SLC22A2: variants seen among roughly 807,000 people sequenced by gnomAD.
SLC22A2 encodes organic cation transporter 2.
SLC22A2 carries 46 observed loss-of-function variants against 60.5 expected under a neutral mutation model. The observed-to-expected ratio is 0.76, with a 90% CI of 0.60 to 0.97. SLC22A2 has a LOEUF of 0.97. Ranked by LOEUF, SLC22A2 falls within the 50% of genes least tolerant of loss-of-function variation. The pLI is 0.00. For missense variants in SLC22A2, 701 were observed against 706.6 expected (o/e 0.99, Z 0.09); for synonymous variants, 303 against 267.0 (o/e 1.13, Z -1.31).
chr6:160,258,075 A>G lies in SLC22A2; in HGVS notation c.414+269T>C, dbSNP rs929585358. 1.9e-5 allele frequency: 8 copies of G among 428,212 alleles called. No individual in the cohort carries two copies. The Admixed American group carries it at 3.3e-4, about 17-fold the overall frequency. The allele number at this position is 428,212 out of a possible 1,614,324, so 26.5% of individuals were successfully genotyped here. On this transcript the variant is annotated intron_variant, in intron 1 of 10. Coordinates refer to ENST00000366953, the MANE Select transcript of SLC22A2 (RefSeq NM_003058.4). ...TCTTGGCAACATTTCCAGGAGTCCT[A>G]ATATGCTTTGGCCTGTTCCTTATTG... is the stretch of plus-strand genomic sequence containing the variant.
At chr6:160,224,828 C>G in intron 9 of SLC22A2, 24 bp from the exon 10 acceptor site, 1 of 1,396,594 alleles carries the variant, frequency 7.2e-7, no homozygotes, top group Non-Finnish European at 9.9e-7. Flanking sequence ...AGATGAATAT[C>G]ACATTAAGAA....
intron 5 of SLC22A2, among the ~76,000 whole-genome samples, chr6:160,246,203 G>A (rs1303759727): frequency 2.0e-5 from 3 of 151,700 alleles, no homozygotes; most frequent in East Asian, 2.0e-4. Flanking sequence ...GTTTTGCCAC[G>A]TTGGCCAGGC....
chr6:160,251,320 C>T (rs1783182319), intron 2 of SLC22A2, among the ~76,000 whole-genome samples: 1 of 152,108 alleles, frequency 6.6e-6, no homozygotes, highest in African/African-American at 2.4e-5. Flanking sequence ...GGAAAGTTGT[C>T]CCAGTATATG....
At chr6:160,252,016 G>C (rs778831657) in intron 2 of SLC22A2, among the ~76,000 whole-genome samples, 57 of 152,128 alleles carry the variant, frequency 3.7e-4, no homozygotes, top group Non-Finnish European at 6.8e-4. Flanking sequence ...AGGATGTGCA[G>C]GTTTGTCACA....
chr6:160,224,134 AGT>A (rs1394650374), intron 10 of SLC22A2, among the ~76,000 whole-genome samples: 1 of 152,160 alleles, frequency 6.6e-6, no homozygotes, highest in Non-Finnish European at 1.5e-5. Context: ...TCCCCAACAT[AGT>A]GTGTTACCAA....
intron 4 of SLC22A2, among the ~76,000 whole-genome samples, chr6:160,248,073 CAG>C (rs1783124687): frequency 6.6e-6 from 1 of 152,194 alleles, no homozygotes; most frequent in Non-Finnish European, 1.5e-5. Flanking sequence ...GGGTCACTCT[CAG>C]GGTATAATGG....
At chr6:160,237,289 G>C (rs1217345523) in intron 9 of SLC22A2, among the ~76,000 whole-genome samples, 4 of 152,128 alleles carry the variant, frequency 2.6e-5, no homozygotes, top group African/African-American at 9.7e-5. Flanking sequence ...CCAGGTTCAT[G>C]GAAAGCCTTC....
At chr6:160,248,513 G>A (rs1783132947) in intron 4 of SLC22A2, among the ~76,000 whole-genome samples, 2 of 152,214 alleles carry the variant, frequency 1.3e-5, no homozygotes, top group South Asian at 4.1e-4. Flanking sequence ...ACAGCCATGG[G>A]AAGAACAAGT....
chr6:160,250,403 A>T (rs1583400569), intron 3 of SLC22A2, 145 bp downstream of exon 3: 1 of 755,750 alleles, frequency 1.3e-6, no homozygotes, highest in Non-Finnish European at 2.3e-6. Context: ...ATATGCTTTT[A>T]GGAATTCTTT....
At chr6:160,244,108 A>G (rs1783055257) in intron 6 of SLC22A2, 2 of 238,278 alleles carry the variant, frequency 8.4e-6, no homozygotes, top group Non-Finnish European at 1.7e-5. Flanking sequence ...ATTTTTTGAG[A>G]CAGAGTCACT....
chr6:160,243,670 A>T lies in SLC22A2; in HGVS notation c.1181T>A (p.Ile394Asn). 6.2e-7 allele frequency: 1 copy of T among 1,614,076 alleles called. No homozygotes were observed. The highest frequency in any genetic ancestry group is 8.5e-7 in the Non-Finnish European group (1 of 1,179,948). ...ALVEFPAAFMIILTIDRIGRR... is the reference protein window; with the variant it reads ...ALVEFPAAFMNILTIDRIGRR... Reference sequence around the variant, plus strand: ...TCCGATGCGGTCGATGGTGAGGATGATCATGAAGGCAGCTGGGAATTCAAC... The same window carrying T: ...TCCGATGCGGTCGATGGTGAGGATGTTCATGAAGGCAGCTGGGAATTCAAC... The change falls in exon 7 of 11, where the codon ATC (isoleucine) becomes AAC (asparagine). Residue 394 changes from isoleucine to asparagine, a missense_variant. Physicochemically the swap from Ile to Asn is moderately radical, Grantham distance 149. Transcript: ENST00000366953.
chr6:160,241,505 GT>G lies in SLC22A2; in HGVS notation c.1469del (p.Asn490ThrfsTer8), dbSNP rs1562435134. The G allele has an allele frequency of 1.2e-6, 2 of 1,613,430 alleles. No individual in the cohort carries two copies. On this transcript the variant is annotated frameshift_variant, in exon 9 of 11. Transcript: ENST00000366953. LOFTEE classifies it high-confidence loss of function. ...ITPFLVYRLT[N>X]IWLELPLMVF... ...CCATCAGCGGGAGCTCAAGCCAGAT[GT>G]TAGTGAGCCGGTAGACCAGGAATGG... is the stretch of plus-strand genomic sequence containing the variant.
chr6:160,221,150 T>G (rs1451791730), intron 10 of SLC22A2, among the ~76,000 whole-genome samples: 1 of 152,254 alleles, frequency 6.6e-6, no homozygotes, highest in African/African-American at 2.4e-5. Context: ...CCTTTATCAG[T>G]GATCTTTGTT....
chr6:160,219,155 ACAGCAG>A (rs1782602165), intron 10 of SLC22A2, among the ~76,000 whole-genome samples: 1 of 240 alleles, frequency 4.2e-3, no homozygotes. Context: ...AGCAGTAACA[ACAGCAG>A]CAGCAACATC....
At chr6:160,254,472 A>G (rs938243134) in intron 2 of SLC22A2, among the ~76,000 whole-genome samples, 1 of 152,058 alleles carries the variant, frequency 6.6e-6, no homozygotes, top group African/African-American at 2.4e-5. Flanking sequence ...CTGTTTTTTT[A>G]AAAAATTATT....
intron 2 of SLC22A2, among the ~76,000 whole-genome samples, chr6:160,251,289 GT>G (rs1382596658): frequency 1.3e-5 from 2 of 152,164 alleles, no homozygotes; most frequent in Non-Finnish European, 2.9e-5. Flanking sequence ...GGAGACTTAG[GT>G]TTATTCAGTT....
At chr6:160,246,677 G>A (rs894244639) in intron 5 of SLC22A2, among the ~76,000 whole-genome samples, 1 of 152,204 alleles carries the variant, frequency 6.6e-6, no homozygotes, top group Non-Finnish European at 1.5e-5. Context: ...AACCTGGGAA[G>A]TGGAGATTGC....
intron 10 of SLC22A2, chr6:160,218,432 G>A: frequency 5.8e-6 from 1 of 173,882 alleles, no homozygotes; most frequent in South Asian, 5.1e-5. Context: ...AATTACAGCA[G>A]CAACTGCAAT....
At chr6:160,231,921 G>A (rs576311761) in intron 9 of SLC22A2, among the ~76,000 whole-genome samples, 33 of 151,964 alleles carry the variant, frequency 2.2e-4, no homozygotes, top group African/African-American at 7.0e-4. Context: ...CCAGGACTGC[G>A]CCCTGTAGCC....
Sources: gnomAD v4.1 joint callset for allele counts (sites outside exome capture counted in the v4.1 genomes callset) on GRCh38, gnomAD v4.1.1 for gene constraint, MANE v1.5 for transcripts, NCBI Gene and HGNC (gene_info 2026-07-23, HGNC 2026-07-21) for gene names.